Variants in KCNQ5 observed in about 807,000 individuals in gnomAD.
The protein encoded by KCNQ5 is potassium voltage-gated channel subfamily Q member 5.
KCNQ5 carries 30 observed loss-of-function variants against 98.2 expected under a neutral mutation model. That is an observed-to-expected ratio of 0.31 (90% confidence interval 0.23 to 0.41). The LOEUF is 0.41. Ranked by LOEUF, KCNQ5 falls within the 10% of genes least tolerant of loss-of-function variation. The pLI is 1.00. For missense variants in KCNQ5, 835 were observed against 1,182.5 expected (o/e 0.71, Z 4.31); for synonymous variants, 458 against 449.4 (o/e 1.02, Z -0.24).
chr6:72,660,067 A>G (rs962453331), intron 1 of KCNQ5, among the ~76,000 whole-genome samples: 1 of 152,158 alleles, frequency 6.6e-6, no homozygotes, highest in East Asian at 1.9e-4. Flanking sequence ...AACCTAAGCC[A>G]GGTCATATAT....
At chr6:72,746,509 G>GA (rs1771416509) in intron 1 of KCNQ5, among the ~76,000 whole-genome samples, 1 of 152,096 alleles carries the variant, frequency 6.6e-6, no homozygotes, top group East Asian at 1.9e-4. Flanking sequence ...GGTACTAATG[G>GA]GAGTAGTCAT....
In KCNQ5 at chr6:72,622,199, C is replaced by T; in HGVS notation, c.10C>T (p.His4Tyr). Residue 4 changes from histidine (H) to tyrosine (Y), a missense_variant, in exon 1 of 14, where the codon CAC (histidine) becomes TAC (tyrosine). His to Tyr is a moderately conservative substitution (Grantham distance 83). Transcript: ENST00000370398. The surrounding 1 kb of genome is among the most constrained non-coding windows in gnomAD (Gnocchi z 6.0). ...TGCCCGTGGTGATGCCATGCCCCGC[C>T]ACCACGCGGGAGGAGAGGAGGGCGG... MPR[H>Y]HAGGEEGGAA... The T allele has an allele frequency of 8.2e-7, 1 of 1,225,742 alleles. No homozygotes were observed. The highest frequency in any genetic ancestry group is 1.0e-6 in the Non-Finnish European group (1 of 984,402). 75.9% of individuals were successfully genotyped at this position (1,225,742 alleles called of 1,614,324 possible).
chr6:72,792,227 C>T (rs1310482495), intron 1 of KCNQ5, among the ~76,000 whole-genome samples: 1 of 152,144 alleles, frequency 6.6e-6, no homozygotes, highest in African/African-American at 2.4e-5. Flanking sequence ...TTCAGTGTCT[C>T]ATAGTCTTTC....
At chr6:72,785,538 T>G (rs1773693813) in intron 1 of KCNQ5, among the ~76,000 whole-genome samples, 1 of 151,840 alleles carries the variant, frequency 6.6e-6, no homozygotes, top group Non-Finnish European at 1.5e-5. Context: ...TAATCCCAGA[T>G]ACTCGGGAGG....
chr6:73,153,315 T>C (rs906895763), intron 10 of KCNQ5, among the ~76,000 whole-genome samples: 17 of 152,308 alleles, frequency 1.1e-4, no homozygotes, highest in African/African-American at 4.1e-4. Flanking sequence ...TCTTCTTTTA[T>C]GGGTTTATGT....
rs188377756 is a variant in KCNQ5, at chr6:72,740,976, A to C, written c.398+118389A>C. On this transcript the variant is annotated intron_variant, in intron 1 of 13. Transcript: ENST00000370398. ...GCAGTGTAATGACCCTTGGTGCCAA[A>C]GTAACACCATTAGAGGGCTCTTTCC... 3.3e-3 allele frequency among the ~76,000 whole-genome samples: 498 copies of C among 152,270 alleles called. 1 individual carries two copies. The highest frequency in any genetic ancestry group is 1.6e-3 in the Non-Finnish European group (106 of 68,010).
intron 2 of KCNQ5, among the ~76,000 whole-genome samples, chr6:73,040,829 A>G (rs1771655417): frequency 6.6e-6 from 1 of 152,214 alleles, no homozygotes; most frequent in African/African-American, 2.4e-5. Context: ...TTGCAACAAA[A>G]ATGCCACTTT....
At chr6:72,699,511 C>T (rs116273037) in intron 1 of KCNQ5, among the ~76,000 whole-genome samples, 5,875 of 152,114 alleles carry the variant, frequency 0.039, 126 homozygotes, top group Middle Eastern at 0.13. Flanking sequence ...TTTTTTCTTA[C>T]CAGGAGAGTT....
At chr6:72,812,085 A>G (rs997547054) in intron 1 of KCNQ5, among the ~76,000 whole-genome samples, 2 of 152,200 alleles carry the variant, frequency 1.3e-5, no homozygotes, top group South Asian at 2.1e-4. Context: ...TAGCATGCCA[A>G]TGCATTACAA....
intron 1 of KCNQ5, among the ~76,000 whole-genome samples, chr6:72,707,756 C>T (rs1769162435): frequency 6.6e-6 from 1 of 152,202 alleles, no homozygotes; most frequent in Non-Finnish European, 1.5e-5. Context: ...CTCTGCCACC[C>T]AGGCTGGAGT....
At chr6:72,843,889 C>T (rs1279840514) in intron 1 of KCNQ5, among the ~76,000 whole-genome samples, 1 of 152,136 alleles carries the variant, frequency 6.6e-6, no homozygotes, top group South Asian at 2.1e-4. Context: ...CTTTCAGGGA[C>T]ATGGATGAAG....
At chr6:73,028,611 G>T (rs1235149369) in intron 2 of KCNQ5, among the ~76,000 whole-genome samples, 1 of 152,176 alleles carries the variant, frequency 6.6e-6, no homozygotes, top group African/African-American at 2.4e-5. Context: ...GGCATGCCAT[G>T]CTGCTTAGGA....
chr6:73,140,596 C>A (rs1383995255), intron 10 of KCNQ5, among the ~76,000 whole-genome samples: 2 of 152,124 alleles, frequency 1.3e-5, no homozygotes, highest in African/African-American at 2.4e-5. Context: ...CTATTTGTAA[C>A]AAAATCTGAG....
In KCNQ5 at chr6:72,764,562, G is replaced by A. The variant is rs528779285; in HGVS notation, c.398+141975G>A. On this transcript the variant is annotated intron_variant, in intron 1 of 13. Transcript: ENST00000370398. Reference sequence around the variant, plus strand: ...ATGCAATGTGAAATAAGCACGTCACGAAGAATGGGACATCCATCCCCTCAA... The same window carrying A: ...ATGCAATGTGAAATAAGCACGTCACAAAGAATGGGACATCCATCCCCTCAA... Among the ~76,000 whole-genome samples, 129 of 152,008 alleles carry A rather than the reference G, an allele frequency of 8.5e-4. 2 individuals carry two copies. Among genetic ancestry groups the A allele is most frequent in the African/African-American group, 2.3e-3 (97 of 41,494 alleles).
At chr6:73,180,065 G>A (rs145008840) in intron 11 of KCNQ5, among the ~76,000 whole-genome samples, 25 of 152,344 alleles carry the variant, frequency 1.6e-4, no homozygotes, top group Middle Eastern at 3.4e-3. Context: ...CACTAGGGGA[G>A]GCAGCCACAT....
At chr6:73,005,393 T>G (rs1198974160) in intron 2 of KCNQ5, among the ~76,000 whole-genome samples, 1 of 152,170 alleles carries the variant, frequency 6.6e-6, no homozygotes, top group African/African-American at 2.4e-5. Flanking sequence ...AATCTGATTT[T>G]TAAACTTGGA....
intron 1 of KCNQ5, among the ~76,000 whole-genome samples, chr6:72,650,590 C>T (rs1765825408): frequency 6.6e-6 from 1 of 152,072 alleles, no homozygotes; most frequent in Non-Finnish European, 1.5e-5. Flanking sequence ...AAAAGCGAAA[C>T]TATTTTAAAT....
At chr6:72,697,126 A>G (rs1391593432) in intron 1 of KCNQ5, among the ~76,000 whole-genome samples, 1 of 152,216 alleles carries the variant, frequency 6.6e-6, no homozygotes, top group Non-Finnish European at 1.5e-5. Context: ...TTAAAGTCAA[A>G]TAGAGTTTAG....
intron 1 of KCNQ5, among the ~76,000 whole-genome samples, chr6:72,928,594 G>C (rs1235144372): frequency 1.3e-5 from 2 of 152,026 alleles, no homozygotes; most frequent in African/African-American, 4.8e-5. Flanking sequence ...ATCTGTGGTA[G>C]CATGGGAAAT....
Sources: gnomAD v4.1 joint callset for allele counts (sites outside exome capture counted in the v4.1 genomes callset) on GRCh38, gnomAD v4.1.1 for gene constraint, Gnocchi (gnomAD v3.1) non-coding constraint, MANE v1.5 for transcripts, NCBI Gene and HGNC (gene_info 2026-07-23, HGNC 2026-07-21) for gene names.